Variants in TRPC3 observed in about 807,000 individuals in gnomAD.
TRPC3 encodes the protein transient receptor potential cation channel subfamily C member 3, also known as short transient receptor potential channel 3.
In TRPC3, 54 loss-of-function variants were observed where a neutral mutation model predicts 90.9. The observed-to-expected ratio is 0.59, with a 90% CI of 0.48 to 0.75. TRPC3 has a LOEUF of 0.75. Among genes scored for constraint, TRPC3 ranks in the 30% least tolerant of loss-of-function variants. The probability of loss-of-function intolerance (pLI) is 0.00; values close to 1 mark genes in which losing one functional copy is unlikely to be tolerated. For missense variants in TRPC3, 918 were observed against 1,194.5 expected (o/e 0.77, Z 3.41); for synonymous variants, 424 against 450.9 (o/e 0.94, Z 0.75).
At chr4:121,901,267 G>A (rs1728689498) in intron 9 of TRPC3, among the ~76,000 whole-genome samples, 1 of 152,186 alleles carries the variant, frequency 6.6e-6, no homozygotes, top group African/African-American at 2.4e-5. Flanking sequence ...TTCAGTAGCA[G>A]CAGGAGCTGC....
intron 4 of TRPC3, among the ~76,000 whole-genome samples, chr4:121,914,538 G>A (rs550749515): frequency 6.6e-6 from 1 of 152,198 alleles, no homozygotes; most frequent in Non-Finnish European, 1.5e-5. Context: ...CTACCATGAG[G>A]ATTTTATCTT....
In TRPC3 at chr4:121,879,852, T is replaced by G; in HGVS notation, c.2650A>C (p.Ile884Leu). The stretch of plus-strand genomic sequence containing the variant: ...AAAAGTTCATAACGAAGGCTGGAGA[T>G]ATCTTGCTTGATTTCTTTTAATTCA... The part of the protein sequence containing the change: ...EGELKEIKQD[I>L]SSLRYELLED... The change falls in exon 12 of 12, where the codon ATC (isoleucine) becomes CTC (leucine). Residue 884 changes from isoleucine to leucine, a missense_variant. By Grantham distance (5) the Ile-to-Leu change is conservative. Coordinates refer to ENST00000379645, the MANE Select transcript of TRPC3 (RefSeq NM_001130698.2). 6.3e-7 allele frequency: 1 copy of G among 1,595,724 alleles called. No homozygotes were observed. The highest frequency in any genetic ancestry group is 8.5e-7 in the Non-Finnish European group (1 of 1,174,752).
chr4:121,914,744 A>G, intron 4 of TRPC3, 36 bp downstream of exon 4: 4 of 1,553,486 alleles, frequency 2.6e-6, no homozygotes, highest in Non-Finnish European at 3.5e-6. Flanking sequence ...GACACAGTAC[A>G]CCACCACAGA....
At chr4:121,949,847 G>A (rs548216101) in intron 1 of TRPC3, among the ~76,000 whole-genome samples, 1 of 152,312 alleles carries the variant, frequency 6.6e-6, no homozygotes, top group African/African-American at 2.4e-5. Flanking sequence ...AGGGTTTTGT[G>A]TAATTGACCT....
intron 1 of TRPC3, among the ~76,000 whole-genome samples, chr4:121,940,976 G>A (rs1351014674): frequency 6.6e-6 from 1 of 152,194 alleles, no homozygotes; most frequent in African/African-American, 2.4e-5. Flanking sequence ...GACTTCATCA[G>A]AATGCTACCT....
chr4:121,904,294 A>G (rs370716375), intron 8 of TRPC3, 28 bp downstream of exon 8: 3 of 1,577,510 alleles, frequency 1.9e-6, no homozygotes, highest in Non-Finnish European at 1.7e-6. Context: ...TGACAAGGAT[A>G]GATACTATGG....
chr4:121,921,178 A>G (rs1468706619), intron 3 of TRPC3, among the ~76,000 whole-genome samples: 2 of 152,160 alleles, frequency 1.3e-5, no homozygotes, highest in Non-Finnish European at 2.9e-5. Flanking sequence ...CAGTTAGAAG[A>G]CAATAGACTC....
intron 1 of TRPC3, among the ~76,000 whole-genome samples, chr4:121,936,132 T>C (rs925977978): frequency 2.6e-5 from 4 of 152,352 alleles, no homozygotes; most frequent in African/African-American, 7.2e-5. Context: ...ACTCATCTTA[T>C]GATAAATTCA....
Position 121,879,606 on chromosome 4 carries a change from C to G in TRPC3, c.*130G>C. The G allele has an allele frequency of 1.0e-6, 1 of 993,908 alleles. No individual in the cohort carries two copies. Among genetic ancestry groups the G allele is most frequent in the Admixed American group, 3.1e-5 (1 of 31,826 alleles). 61.6% of individuals were successfully genotyped at this position (993,908 alleles called of 1,614,324 possible). A position where few individuals can be genotyped will look rare whatever the true frequency, so the allele number is the denominator to read the frequency against. On this transcript the variant is annotated 3_prime_UTR_variant, in exon 12 of 12. Coordinates refer to ENST00000379645, the MANE Select transcript of TRPC3 (RefSeq NM_001130698.2). The stretch of plus-strand genomic sequence containing the variant: ...AAACAATAAAACCATTAAGAGCTAA[C>G]TTTTAAAGGTTCACATGATAAAGGT...
chr4:121,891,342 T>C (rs907658353), intron 10 of TRPC3, among the ~76,000 whole-genome samples: 2 of 152,192 alleles, frequency 1.3e-5, no homozygotes, highest in African/African-American at 4.8e-5. Context: ...TTGAAGGAAC[T>C]ACCAAAAGAC....
intron 1 of TRPC3, among the ~76,000 whole-genome samples, chr4:121,948,004 C>T (rs181437905): frequency 6.6e-5 from 10 of 152,156 alleles, no homozygotes; most frequent in East Asian, 5.8e-4. Context: ...AGCTTTTTCC[C>T]TCAAAATCTA....
intron 3 of TRPC3, among the ~76,000 whole-genome samples, chr4:121,921,471 G>A (rs76203457): frequency 0.024 from 3,261 of 136,450 alleles, 154 homozygotes; most frequent in East Asian, 0.23. Flanking sequence ...GCAGTGAGCC[G>A]AGATCGCGCC....
At chr4:121,943,439 T>C (rs903395965) in intron 1 of TRPC3, among the ~76,000 whole-genome samples, 3 of 152,218 alleles carry the variant, frequency 2.0e-5, no homozygotes, top group Admixed American at 1.3e-4. Context: ...TACATAGTTA[T>C]ATTTTATCAG....
intron 5 of TRPC3, among the ~76,000 whole-genome samples, chr4:121,911,103 G>A (rs2149125286): frequency 6.6e-6 from 1 of 152,264 alleles, no homozygotes; most frequent in East Asian, 1.9e-4. Flanking sequence ...AAAATGTAAT[G>A]GCTTAAAAGA....
At chr4:121,910,829 CAAG>C (rs1729056971) in intron 5 of TRPC3, among the ~76,000 whole-genome samples, 1 of 152,188 alleles carries the variant, frequency 6.6e-6, no homozygotes, top group East Asian at 1.9e-4. Flanking sequence ...AGATTTTTAA[CAAG>C]AAGAACAGTT....
intron 4 of TRPC3, among the ~76,000 whole-genome samples, chr4:121,914,573 C>A (rs777702212): frequency 2.2e-4 from 33 of 151,352 alleles, no homozygotes; most frequent in Non-Finnish European, 4.1e-4. Context: ...TTTATGCCTG[C>A]AAATGTGGTA....
At chr4:121,904,732 T>A (rs1226626357) in intron 7 of TRPC3, among the ~76,000 whole-genome samples, 4 of 152,154 alleles carry the variant, frequency 2.6e-5, no homozygotes, top group Non-Finnish European at 5.9e-5. Flanking sequence ...AATGCCTAGC[T>A]TTTCTGAAGT....
At chr4:121,915,765 A>G (rs1729292332) in intron 3 of TRPC3, among the ~76,000 whole-genome samples, 1 of 152,136 alleles carries the variant, frequency 6.6e-6, no homozygotes, top group Admixed American at 6.5e-5. Flanking sequence ...GGATTTCTTT[A>G]AAGCCCTGTT....
chr4:121,944,683 TA>T (rs1730429702), intron 1 of TRPC3, among the ~76,000 whole-genome samples: 1 of 152,164 alleles, frequency 6.6e-6, no homozygotes. Flanking sequence ...TGCTTTGCGA[TA>T]ACCTTTTTTC....
Sources: allele counts gnomAD v4.1 joint callset (sites outside exome capture counted in the v4.1 genomes callset), GRCh38; gene constraint gnomAD v4.1.1; transcripts MANE v1.5; gene names NCBI Gene and HGNC (gene_info 2026-07-23, HGNC 2026-07-21).